HS3ST5: variants seen among roughly 807,000 people sequenced by gnomAD.
The protein encoded by HS3ST5 is heparan sulfate glucosamine 3-O-sulfotransferase 5.
HS3ST5 carries 10 observed loss-of-function variants against 25.4 expected under a neutral mutation model. The ratio of observed to expected loss-of-function variants is 0.39; its 90% CI spans 0.24 to 0.67. The LOEUF is 0.67. Among genes scored for constraint, HS3ST5 ranks in the 30% least tolerant of loss-of-function variants. The pLI is 0.44. For synonymous variants in HS3ST5, 170 were observed against 162.4 expected, an observed-to-expected ratio of 1.05 and a Z score of -0.36; for missense variants, 324 against 420.7, an observed-to-expected ratio of 0.77 and a Z score of 2.01.
At chr6:114,080,481 A>T (rs575079432) in intron 3 of HS3ST5, among the ~76,000 whole-genome samples, 1 of 152,350 alleles carries the variant, frequency 6.6e-6, no homozygotes, top group South Asian at 2.1e-4. Context: ...AGAAATGTGT[A>T]CTCACATGTT....
At chr6:114,259,745 T>C (rs9481438) in intron 1 of HS3ST5, among the ~76,000 whole-genome samples, 5,852 of 152,202 alleles carry the variant, frequency 0.038, 174 homozygotes, top group African/African-American at 0.083. Flanking sequence ...AATACATATA[T>C]ACAGATACAG....
intron 3 of HS3ST5, among the ~76,000 whole-genome samples, chr6:114,118,355 A>C (rs1776631547): frequency 6.6e-6 from 1 of 152,222 alleles, no homozygotes; most frequent in Admixed American, 6.5e-5. Context: ...AATACAAAGA[A>C]GAGACACAAG....
chr6:114,142,891 C>T (rs893016230), intron 3 of HS3ST5: 3 of 152,196 alleles, frequency 2.0e-5, no homozygotes, highest in African/African-American at 7.2e-5. Context: ...CAATTCCTGC[C>T]TTAGTACCAC....
chr6:114,336,020 T>G (rs1049833604), intron 1 of HS3ST5, among the ~76,000 whole-genome samples: 2 of 152,198 alleles, frequency 1.3e-5, no homozygotes, highest in African/African-American at 2.4e-5. Flanking sequence ...TAATCAAGCT[T>G]AAGTCTTAAA....
chr6:114,241,137 T>TG (rs1462824499), intron 1 of HS3ST5, among the ~76,000 whole-genome samples: 8 of 149,566 alleles, frequency 5.3e-5, no homozygotes, highest in African/African-American at 1.5e-4. Context: ...AATCAGTTTT[T>TG]TTTTTTTTTT....
At chr6:114,079,878 C>T (rs781426810) in intron 3 of HS3ST5, among the ~76,000 whole-genome samples, 6 of 152,104 alleles carry the variant, frequency 3.9e-5, no homozygotes, top group African/African-American at 7.2e-5. Flanking sequence ...TGGGTTCAAG[C>T]GATTCTCCTG....
intron 2 of HS3ST5, among the ~76,000 whole-genome samples, chr6:114,215,515 A>G (rs1164193925): frequency 6.6e-6 from 1 of 151,980 alleles, no homozygotes; most frequent in African/African-American, 2.4e-5. Context: ...CCCCATGGAT[A>G]TGACCCTTCT....
At chr6:114,186,847 T>A (rs1369928912) in intron 2 of HS3ST5, among the ~76,000 whole-genome samples, 1 of 152,196 alleles carries the variant, frequency 6.6e-6, no homozygotes, top group African/African-American at 2.4e-5. Context: ...GAAGCCATAG[T>A]AGCTGATGAC....
At chr6:114,224,422 AT>A (rs1169322204) in intron 2 of HS3ST5, among the ~76,000 whole-genome samples, 1 of 151,384 alleles carries the variant, frequency 6.6e-6, no homozygotes, top group Non-Finnish European at 1.5e-5. Context: ...AAATTATATC[AT>A]TTCTATAATC....
At chr6:114,260,196 T>C (rs1192528576) in intron 1 of HS3ST5, among the ~76,000 whole-genome samples, 1 of 152,138 alleles carries the variant, frequency 6.6e-6, no homozygotes, top group African/African-American at 2.4e-5. Flanking sequence ...TATTATTTGG[T>C]CATAAATCTT....
chr6:114,204,875 G>A (rs576188366), intron 2 of HS3ST5, among the ~76,000 whole-genome samples: 1 of 151,782 alleles, frequency 6.6e-6, no homozygotes, highest in East Asian at 1.9e-4. Context: ...AATACTATTG[G>A]CACAAATAGT....
intron 3 of HS3ST5, among the ~76,000 whole-genome samples, chr6:114,127,865 G>T (rs1463406522): frequency 2.3e-4 from 35 of 149,902 alleles, no homozygotes; most frequent in African/African-American, 8.1e-4. Flanking sequence ...TAGAGAGAGA[G>T]AGAGAGAGAC....
intron 3 of HS3ST5, chr6:114,084,934 C>A: frequency 2.1e-6 from 1 of 467,936 alleles, no homozygotes; most frequent in South Asian, 2.1e-5. Flanking sequence ...CGGGTTCAAG[C>A]GATTCCCCTG....
At chr6:114,233,088 C>G (rs138384079) in intron 1 of HS3ST5, among the ~76,000 whole-genome samples, 115 of 150,396 alleles carry the variant, frequency 7.6e-4, no homozygotes, top group African/African-American at 2.6e-3. Context: ...TTTAGATACC[C>G]AACATTCAGC....
chr6:114,055,819 TGTC>T lies in HS3ST5; in HGVS notation c.*1435_*1437del, dbSNP rs1772747997. On this transcript the variant is annotated 3_prime_UTR_variant, in exon 5 of 5. Transcript: ENST00000312719. ...AGAAAAAAAAAATCCATCTTTTTGT[TGTC>T]GTTGTTAATACCCCTTTCCACATTT... The T allele has an allele frequency of 6.6e-6, 1 of 152,222 alleles. No homozygotes were observed. Among genetic ancestry groups the T allele is most frequent in the African/African-American group, 2.4e-5 (1 of 41,450 alleles). 9.4% of individuals were successfully genotyped at this position (152,222 alleles called of 1,614,324 possible).
intron 3 of HS3ST5, among the ~76,000 whole-genome samples, chr6:114,158,831 G>A (rs1189308584): frequency 6.6e-6 from 1 of 152,168 alleles, no homozygotes; most frequent in Non-Finnish European, 1.5e-5. Flanking sequence ...TTACAGGGAA[G>A]CATATAATTG....
At chr6:114,309,891 C>T (rs1177750328) in intron 1 of HS3ST5, among the ~76,000 whole-genome samples, 1 of 152,146 alleles carries the variant, frequency 6.6e-6, no homozygotes, top group East Asian at 1.9e-4. Context: ...TAAATATTGC[C>T]TGCCAGGGCT....
chr6:114,145,931 C>G (rs1778140332), intron 3 of HS3ST5, among the ~76,000 whole-genome samples: 1 of 152,154 alleles, frequency 6.6e-6, no homozygotes, highest in Admixed American at 6.5e-5. Flanking sequence ...GTCGCATCAC[C>G]TTTAAACCAA....
At chr6:114,297,380 G>GATGC (rs369669209) in intron 1 of HS3ST5, among the ~76,000 whole-genome samples, 66 of 152,232 alleles carry the variant, frequency 4.3e-4, no homozygotes, top group African/African-American at 1.5e-3. Flanking sequence ...AACACCTGTA[G>GATGC]ATGCACCCAG....
Sources: gnomAD v4.1 joint callset for allele counts (sites outside exome capture counted in the v4.1 genomes callset) on GRCh38, gnomAD v4.1.1 for gene constraint, MANE v1.5 for transcripts, NCBI Gene and HGNC (gene_info 2026-07-23, HGNC 2026-07-21) for gene names.